Variants in GALK2 observed in about 807,000 individuals in gnomAD.
The protein encoded by GALK2 is N-acetylgalactosamine kinase.
GALK2 carries 36 observed loss-of-function variants against 52.4 expected under a neutral mutation model. The ratio of observed to expected loss-of-function variants is 0.69; its 90% CI spans 0.53 to 0.91. The LOEUF (loss-of-function observed/expected upper bound fraction) is 0.91, where lower values mean the gene tolerates loss of function less well. Among genes scored for constraint, GALK2 ranks in the 40% least tolerant of loss-of-function variants. The pLI, the probability that GALK2 is intolerant of heterozygous loss-of-function variation, is 0.00. For synonymous variants in GALK2, 176 were observed against 199.1 expected (o/e 0.88, Z 0.98); for missense variants, 579 against 559.1 (o/e 1.04, Z -0.36).
chr15:49,156,523 T>C (rs2084457283), intron 1 of GALK2: 1 of 507,754 alleles, frequency 2.0e-6, no homozygotes, highest in South Asian at 1.5e-5. Context: ...TTCTAAAATA[T>C]GTGTGTGTTG....
At chr15:49,180,118 CAA>C (rs2085847721) in intron 1 of GALK2, among the ~76,000 whole-genome samples, 3 of 152,232 alleles carry the variant, frequency 2.0e-5, no homozygotes, top group South Asian at 4.1e-4. Context: ...AGGAAAATGA[CAA>C]AGTTTTATAA....
chr15:49,225,621 C>T (rs1250335448), intron 3 of GALK2, among the ~76,000 whole-genome samples: 1 of 152,202 alleles, frequency 6.6e-6, no homozygotes, highest in East Asian at 1.9e-4. Context: ...TTGGGGACTG[C>T]TGCTGTAGAG....
At chr15:49,252,215 G>A (rs1047475440) in intron 5 of GALK2, among the ~76,000 whole-genome samples, 2 of 152,112 alleles carry the variant, frequency 1.3e-5, no homozygotes, top group African/African-American at 4.8e-5. Context: ...GCAGTGAGGC[G>A]AGATCGCACC....
At chr15:49,272,275 C>T (rs1312935159) in intron 5 of GALK2, among the ~76,000 whole-genome samples, 1 of 152,140 alleles carries the variant, frequency 6.6e-6, no homozygotes, top group Non-Finnish European at 1.5e-5. Context: ...ATAAGATGTA[C>T]AAAATACCCT....
intron 8 of GALK2, among the ~76,000 whole-genome samples, chr15:49,292,949 G>A (rs966973919): frequency 2.0e-5 from 3 of 152,178 alleles, no homozygotes; most frequent in African/African-American, 7.2e-5. Flanking sequence ...CTTTAGTGTG[G>A]AAGCTTATTT....
intron 1 of GALK2, 118 bp from the exon 2 acceptor site, chr15:49,201,044 G>A: frequency 2.1e-6 from 1 of 481,846 alleles, no homozygotes; most frequent in Admixed American, 3.9e-5. Context: ...AATGGTGGCA[G>A]GCATATGGAG....
rs1447336857 is a variant in GALK2 at position 49,225,291 on chromosome 15, G to T, written c.266+7978G>T. On this transcript the variant is annotated intron_variant, in intron 3 of 9. Coordinates refer to ENST00000560031, the MANE Select transcript of GALK2 (RefSeq NM_002044.4). Reference sequence around the variant, plus strand: ...TCTTGGACTGGTCCTGTAGAGCAGGGTTCCCCAATCCCTGTTACTGCTTCA... The same window carrying T: ...TCTTGGACTGGTCCTGTAGAGCAGGTTTCCCCAATCCCTGTTACTGCTTCA... The T allele has an allele frequency of 1.1e-5, 5 of 454,146 alleles. No homozygotes were observed. The Admixed American group carries it at 1.2e-4, about 11-fold the overall frequency. The allele number at this position is 454,146 out of a possible 1,614,324, so 28.1% of individuals were successfully genotyped here.
chr15:49,281,332 T>C (rs1255620408), intron 5 of GALK2, among the ~76,000 whole-genome samples: 2 of 152,254 alleles, frequency 1.3e-5, no homozygotes, highest in African/African-American at 4.8e-5. Context: ...GTATGCATAA[T>C]GGTCCCAGAT....
At chr15:49,299,747 C>CTTTCTTTTTTTTT (rs2034867620) in intron 8 of GALK2, among the ~76,000 whole-genome samples, 1 of 121,578 alleles carries the variant, frequency 8.2e-6, no homozygotes, top group African/African-American at 3.2e-5. Context: ...TTCTTTCTTT[C>CTTTCTTTTTTTTT]TTTCTTTCTT....
chr15:49,196,917 A>G (rs1262423405), intron 1 of GALK2, among the ~76,000 whole-genome samples: 2 of 152,140 alleles, frequency 1.3e-5, no homozygotes, highest in Non-Finnish European at 2.9e-5. Flanking sequence ...TAGTGAGACT[A>G]TGCCTCTACA....
At chr15:49,212,243 C>T (rs557099092) in intron 2 of GALK2, among the ~76,000 whole-genome samples, 2 of 152,222 alleles carry the variant, frequency 1.3e-5, no homozygotes, top group Admixed American at 6.5e-5. Flanking sequence ...CAGGTGTCCA[C>T]GACCATGCCT....
chr15:49,178,542 G>A, intron 1 of GALK2: 1 of 265,926 alleles, frequency 3.8e-6, no homozygotes, highest in Middle Eastern at 1.7e-3. Flanking sequence ...CCACCATGGT[G>A]CACACGAATC....
At chr15:49,224,165 CT>C (rs2089991967) in intron 3 of GALK2, among the ~76,000 whole-genome samples, 1 of 151,530 alleles carries the variant, frequency 6.6e-6, no homozygotes, top group African/African-American at 2.4e-5. Flanking sequence ...TGTTCATATA[CT>C]TTGCCCATTT....
chr15:49,245,294 C>T (rs943188786), intron 5 of GALK2, among the ~76,000 whole-genome samples: 4 of 152,112 alleles, frequency 2.6e-5, no homozygotes, highest in African/African-American at 9.7e-5. Flanking sequence ...AAAGTATTTG[C>T]CGTTGTACAC....
intron 1 of GALK2, 70 bp from the exon 2 acceptor site, chr15:49,201,092 A>T: frequency 1.5e-6 from 1 of 645,644 alleles, no homozygotes; most frequent in Non-Finnish European, 2.8e-6. Context: ...GTGTGTATGT[A>T]TGTGTGTGTA....
At position 49,253,659 on chromosome 15, in the gene GALK2, A is replaced by G. The variant is rs2091700632; in HGVS notation, c.504+14292A>G. 2.1e-5 allele frequency among the ~76,000 whole-genome samples: 3 copies of G among 144,552 alleles called. 1 individual carries two copies. The South Asian group carries it at 6.8e-4, about 33-fold the overall frequency. The allele number at this position is 144,552 out of a possible 152,430, so 94.8% of individuals were successfully genotyped here. ...GATAGGCCATTTAACTCTGTTAAGT[A>G]AGGTACAACTGCCAACTTCTTAGAC... is the stretch of plus-strand genomic sequence containing the variant. On this transcript the variant is annotated intron_variant, in intron 5 of 9. Coordinates refer to ENST00000560031, the MANE Select transcript of GALK2 (RefSeq NM_002044.4).
In GALK2 at chr15:49,283,613, C is replaced by A; in HGVS notation, c.651C>A (p.Leu217=). The change falls in exon 7 of 10, where the codon CTC becomes CTA. Residue 217 remains leucine (L), a synonymous_variant. Coordinates refer to ENST00000560031, the MANE Select transcript of GALK2 (RefSeq NM_002044.4). ...CTCTGAGGGCAACCGATGTAAAACTCCCAAGTGGAGCAGTGTTTGTGATTG... is the reference window on the plus strand; with the variant it reads ...CTCTGAGGGCAACCGATGTAAAACTACCAAGTGGAGCAGTGTTTGTGATTG... ...FSPLRATDVK[L]PSGAVFVIAN... 3 of 1,613,920 alleles carry A rather than the reference C, an allele frequency of 1.9e-6. No homozygotes were observed. The highest frequency in any genetic ancestry group is 2.5e-6 in the Non-Finnish European group (3 of 1,179,884).
At chr15:49,287,092 G>T (rs373373800) in intron 7 of GALK2, among the ~76,000 whole-genome samples, 2 of 152,166 alleles carry the variant, frequency 1.3e-5, no homozygotes, top group African/African-American at 4.8e-5. Flanking sequence ...TAGAAAAAGG[G>T]CATCTCCTTT....
At chr15:49,181,919 A>C (rs2086001829) in intron 1 of GALK2, among the ~76,000 whole-genome samples, 2 of 152,218 alleles carry the variant, frequency 1.3e-5, no homozygotes, top group Admixed American at 1.3e-4. Flanking sequence ...TGATACAGGC[A>C]TACAATGTAT....
Sources: allele counts gnomAD v4.1 joint callset (sites outside exome capture counted in the v4.1 genomes callset), GRCh38; gene constraint gnomAD v4.1.1; transcripts MANE v1.5; gene names NCBI Gene and HGNC (gene_info 2026-07-23, HGNC 2026-07-21).